The following RRAGB variants were observed in gnomAD, a reference collection of about 807,000 sequenced individuals.
RRAGB encodes the protein Ras related GTP binding B.
RRAGB carries 6 observed loss-of-function variants against 29.3 expected under a neutral mutation model. The ratio of observed to expected loss-of-function variants is 0.21; its 90% CI spans 0.11 to 0.40. RRAGB has a LOEUF of 0.40. RRAGB is among the 10% of genes least tolerant of loss of function. The pLI, the probability that RRAGB is intolerant of heterozygous loss-of-function variation, is 1.00. For missense variants in RRAGB, 184 were observed against 272.9 expected (o/e 0.67, Z 2.29); for synonymous variants, 101 against 92.5 (o/e 1.09, Z -0.53).
At chrX:55,719,137 CAGTTTTATAATTTAGGAAAATGG>C (rs1393921973) in intron 1 of RRAGB, among the ~76,000 whole-genome samples, 154 bp from the exon 2 acceptor site, 1 of 111,506 alleles carries the variant, frequency 9.0e-6, no homozygotes, top group African/African-American at 3.3e-5. Flanking sequence ...AGTATACACA[CAGTTTTATAATTTAGGAAAATGG>C]GACCTCTATT....
chrX:55,733,957 G>C, intron 5 of RRAGB, among the ~76,000 whole-genome samples: 1 of 107,935 alleles, frequency 9.3e-6, no homozygotes, highest in Non-Finnish European at 1.9e-5. Flanking sequence ...GGGAAATTTT[G>C]AGTTTTTGTT....
At position 55,758,457 on chromosome X, in the gene RRAGB, C is replaced by A; in HGVS notation, c.*114C>A. 1 of 443,960 alleles carries A rather than the reference C, an allele frequency of 2.3e-6. No homozygotes were observed. The allele number at this position is 443,960 out of a possible 1,213,427, so 36.6% of individuals were successfully genotyped here. On this transcript the variant is annotated 3_prime_UTR_variant, in exon 10 of 10. Coordinates refer to ENST00000374941, the MANE Select transcript of RRAGB (RefSeq NM_006064.5). ...TTATTGCTTCTGTATTTCTTCTCTA[C>A]TCCCTAGTCTTAATGTTTAACCTTG... is the stretch of plus-strand genomic sequence containing the variant.
chrX:55,746,459 C>T (rs1448670777), intron 5 of RRAGB, among the ~76,000 whole-genome samples: 1 of 111,609 alleles, frequency 9.0e-6, no homozygotes, highest in East Asian at 2.8e-4. Flanking sequence ...TCCAACTACT[C>T]CCGTCGCATT....
intron 3 of RRAGB, among the ~76,000 whole-genome samples, chrX:55,726,973 C>CT (rs2033502112): frequency 9.0e-6 from 1 of 111,009 alleles, no homozygotes; most frequent in Non-Finnish European, 1.9e-5. Flanking sequence ...CTGAAGAGCT[C>CT]CAACATTTAA....
chrX:55,729,544 G>C (rs1458074417), intron 4 of RRAGB, among the ~76,000 whole-genome samples, 184 bp downstream of exon 4: 3 of 111,283 alleles, frequency 2.7e-5, no homozygotes, highest in African/African-American at 9.8e-5. Flanking sequence ...AATGCCCTCT[G>C]TATGTGACAT....
intron 2 of RRAGB, among the ~76,000 whole-genome samples, chrX:55,719,554 T>C (rs980445261): frequency 2.7e-5 from 3 of 112,005 alleles, no homozygotes; most frequent in Non-Finnish European, 5.6e-5. Context: ...TTAAGAACCT[T>C]TAGTAACTTC....
chrX:55,736,968 A>G (rs188183283), intron 5 of RRAGB, among the ~76,000 whole-genome samples: 7 of 112,735 alleles, frequency 6.2e-5, no homozygotes, highest in African/African-American at 1.9e-4. Context: ...GGGGAATGAG[A>G]TAAGCTTCAT....
chrX:55,750,918 A>G (rs910472912), intron 5 of RRAGB, among the ~76,000 whole-genome samples, 183 bp from the exon 6 acceptor site: 2 of 111,983 alleles, frequency 1.8e-5, no homozygotes, highest in African/African-American at 3.2e-5. Flanking sequence ...AATTCTAACT[A>G]TTGTGCTTTT....
intron 6 of RRAGB, among the ~76,000 whole-genome samples, chrX:55,751,987 G>C (rs190972817): frequency 9.0e-6 from 1 of 110,879 alleles, no homozygotes; most frequent in East Asian, 2.8e-4. Flanking sequence ...TCTGTCACTG[G>C]TAGCTACAGC....
At chrX:55,743,327 G>C (rs2034142277) in intron 5 of RRAGB, among the ~76,000 whole-genome samples, 2 of 112,452 alleles carry the variant, frequency 1.8e-5, no homozygotes, top group South Asian at 7.5e-4. Context: ...TTCCATGATG[G>C]AAGCAGATGA....
At chrX:55,735,683 A>T (rs1297603551) in intron 5 of RRAGB, among the ~76,000 whole-genome samples, 1 of 112,198 alleles carries the variant, frequency 8.9e-6, no homozygotes, top group African/African-American at 3.2e-5. Flanking sequence ...GTTTTCTTCA[A>T]TGTGTTACAG....
chrX:55,745,804 A>C (rs965784959), intron 5 of RRAGB, among the ~76,000 whole-genome samples: 1 of 112,055 alleles, frequency 8.9e-6, no homozygotes, highest in Non-Finnish European at 1.9e-5. Context: ...TGTCTGTTTC[A>C]ATTTTGTACT....
At chrX:55,736,976 C>T (rs1331932479) in intron 5 of RRAGB, among the ~76,000 whole-genome samples, 1 of 112,611 alleles carries the variant, frequency 8.9e-6, no homozygotes, top group Non-Finnish European at 1.9e-5. Flanking sequence ...AGATAAGCTT[C>T]ATGAGACCTC....
chrX:55,749,335 G>C (rs1278632165), intron 5 of RRAGB, among the ~76,000 whole-genome samples: 5 of 95,159 alleles, frequency 5.3e-5, no homozygotes, highest in East Asian at 3.6e-4. Flanking sequence ...TCCCCAGCCC[G>C]GCCAGCCGCC....
chrX:55,729,619 C>T (rs2033604980), intron 4 of RRAGB, among the ~76,000 whole-genome samples: 1 of 111,335 alleles, frequency 9.0e-6, no homozygotes. Context: ...TATCCCCTTT[C>T]GTGGAGGAAT....
intron 5 of RRAGB, among the ~76,000 whole-genome samples, chrX:55,746,221 T>C (rs5914440): frequency 0.33 from 36,467 of 110,795 alleles, 4,685 homozygotes; most frequent in Middle Eastern, 0.47. Context: ...TCAAATTAAA[T>C]TTTTTATCAC....
chrX:55,725,011 T>TA (rs1238404207), intron 3 of RRAGB, among the ~76,000 whole-genome samples: 2 of 112,298 alleles, frequency 1.8e-5, no homozygotes, highest in East Asian at 5.6e-4. Flanking sequence ...TTGCTGTTTT[T>TA]ATATAGCTGA....
chrX:55,734,778 G>T (rs190731243), intron 5 of RRAGB, among the ~76,000 whole-genome samples: 159 of 111,769 alleles, frequency 1.4e-3, no homozygotes, highest in Non-Finnish European at 1.9e-3. Context: ...AATAAACTTT[G>T]ATCTTAGCAC....
chrX:55,748,576 G>A (rs2034351047), intron 5 of RRAGB, among the ~76,000 whole-genome samples: 1 of 111,534 alleles, frequency 9.0e-6, no homozygotes, highest in South Asian at 3.8e-4. Context: ...TCGGGGAGGT[G>A]AGGAGCGTCT....
Sources: gnomAD v4.1 joint callset for allele counts (sites outside exome capture counted in the v4.1 genomes callset) on GRCh38, gnomAD v4.1.1 for gene constraint, MANE v1.5 for transcripts, NCBI Gene and HGNC (gene_info 2026-07-23, HGNC 2026-07-21) for gene names.